LRP8: variants seen among roughly 807,000 people sequenced by gnomAD.
LRP8 encodes low-density lipoprotein receptor-related protein 8.
In LRP8, 46 loss-of-function variants were observed where a neutral mutation model predicts 111.6. The observed-to-expected ratio is 0.41, with a 90% CI of 0.33 to 0.53. LRP8 has a LOEUF of 0.53. Ranked by LOEUF, LRP8 falls within the 20% of genes least tolerant of loss-of-function variation. The pLI, the probability that LRP8 is intolerant of heterozygous loss-of-function variation, is 0.20. For synonymous variants in LRP8, 464 were observed against 511.2 expected (o/e 0.91, Z 1.24); for missense variants, 959 against 1,297.4 (o/e 0.74, Z 4.01).
In LRP8 at chr1:53,302,253, CT is replaced by C. The variant is rs535637143; in HGVS notation, c.245-12565del. 2.0e-3 allele frequency among the ~76,000 whole-genome samples: 305 copies of C among 152,312 alleles called. 2 individuals are homozygous for C. The highest frequency in any genetic ancestry group is 6.7e-3 in the African/African-American group (280 of 41,568). ...AGATGGAGAAGGCTGCTTCTGGCTTCTCAGTGCGTTTGGAAGGAAATGGGGT... is the reference window on the plus strand; with the variant it reads ...AGATGGAGAAGGCTGCTTCTGGCTTCCAGTGCGTTTGGAAGGAAATGGGGT... On this transcript the variant is annotated intron_variant, in intron 2 of 18. Transcript: ENST00000306052.
chr1:53,296,461 C>G (rs1649737951), intron 2 of LRP8, among the ~76,000 whole-genome samples: 1 of 152,228 alleles, frequency 6.6e-6, no homozygotes, highest in African/African-American at 2.4e-5. Flanking sequence ...GCAGTTGGGC[C>G]ACTTGTACCC....
At position 53,249,602 on chromosome 1, in the gene LRP8, G is replaced by A; in HGVS notation, c.2677-46C>T. On this transcript the variant is annotated intron_variant, in intron 17 of 18. Transcript: ENST00000306052. This position sits in a 1 kb window ranked among gnomAD's most constrained non-coding sequence, Gnocchi z 4.1. ...TGGATGACCTCTGAGGTCACACTCA[G>A]CCCCCTGACTGTGCTGTATAACAGT... 2.0e-6 allele frequency: 3 copies of A among 1,527,498 alleles called. No individual in the cohort carries two copies. The highest frequency in any genetic ancestry group is 2.6e-6 in the Non-Finnish European group (3 of 1,136,986). The allele number at this position is 1,527,498 out of a possible 1,614,324, so 94.6% of individuals were successfully genotyped here.
chr1:53,317,371 G>A lies in LRP8; in HGVS notation c.244+9502C>T, dbSNP rs138844639. ...CGTGGCTAACTACCGTGGCAGGCCCGGCTGGCTAACCAGCCCCACTGGGCC... is the reference window on the plus strand; with the variant it reads ...CGTGGCTAACTACCGTGGCAGGCCCAGCTGGCTAACCAGCCCCACTGGGCC... On this transcript the variant is annotated intron_variant, in intron 2 of 18. Coordinates refer to ENST00000306052, the MANE Select transcript of LRP8 (RefSeq NM_004631.5). This position sits in a 1 kb window ranked among gnomAD's most constrained non-coding sequence, Gnocchi z 4.9. 1.6e-3 allele frequency among the ~76,000 whole-genome samples: 248 copies of A among 152,320 alleles called. 2 individuals are homozygous for A. The highest frequency in any genetic ancestry group is 5.4e-3 in the African/African-American group (224 of 41,582).
chr1:53,266,010 C>T lies in LRP8; in HGVS notation c.1427+463G>A, dbSNP rs181112275. Among the ~76,000 whole-genome samples, 1 of 152,286 alleles carries T rather than the reference C, an allele frequency of 6.6e-6. No homozygotes were observed. The highest frequency in any genetic ancestry group is 1.5e-5 in the Non-Finnish European group (1 of 68,022). Reference sequence around the variant, plus strand: ...CAGGAAGGCATGCCAGATCAGATGCCCAGGTGGGTTCGGAGGCCTCCTCTG... The same window carrying T: ...CAGGAAGGCATGCCAGATCAGATGCTCAGGTGGGTTCGGAGGCCTCCTCTG... On this transcript the variant is annotated intron_variant, in intron 9 of 18. Transcript: ENST00000306052. This position sits in a 1 kb window ranked among gnomAD's most constrained non-coding sequence, Gnocchi z 5.0.
intron 2 of LRP8, among the ~76,000 whole-genome samples, chr1:53,310,550 T>C (rs1451053649): frequency 1.3e-5 from 2 of 152,100 alleles, no homozygotes; most frequent in African/African-American, 4.8e-5. Flanking sequence ...GTTAGTGCAG[T>C]GGAGACCCAG....
intron 2 of LRP8, chr1:53,306,092 T>TCA (rs1203925735): frequency 6.6e-6 from 1 of 152,274 alleles, no homozygotes; most frequent in African/African-American, 2.4e-5. Flanking sequence ...CACAGCCTCA[T>TCA]CATCCTGTGT....
At chr1:53,316,922 G>A (rs754784477) in intron 2 of LRP8, among the ~76,000 whole-genome samples, 38 of 152,276 alleles carry the variant, frequency 2.5e-4, no homozygotes, top group South Asian at 2.1e-4. Flanking sequence ...CCACCACGAC[G>A]GCCTGGTGGG....
At chr1:53,251,089 G>A (rs751737498) in intron 16 of LRP8, among the ~76,000 whole-genome samples, 1 of 152,120 alleles carries the variant, frequency 6.6e-6, no homozygotes, top group Non-Finnish European at 1.5e-5. Context: ...CCCCAACTGT[G>A]GGCAGAGTCA....
In LRP8 at chr1:53,294,350, G is replaced by C. The variant is rs1649304825; in HGVS notation, c.245-4661C>G. Among the ~76,000 whole-genome samples the C allele has an allele frequency of 6.6e-6, 1 of 152,142 alleles. No individual in the cohort carries two copies. Among genetic ancestry groups the C allele is most frequent in the African/African-American group, 2.4e-5 (1 of 41,420 alleles). On this transcript the variant is annotated intron_variant, in intron 2 of 18. Coordinates refer to ENST00000306052, the MANE Select transcript of LRP8 (RefSeq NM_004631.5). This position sits in a 1 kb window ranked among gnomAD's most constrained non-coding sequence, Gnocchi z 4.1. ...CCCCAGGGTAGAGTAGGGGAGAGTGGGAAATCCAGGACAAAGGAAGTGGGA... is the reference window on the plus strand; with the variant it reads ...CCCCAGGGTAGAGTAGGGGAGAGTGCGAAATCCAGGACAAAGGAAGTGGGA...
intron 18 of LRP8, among the ~76,000 whole-genome samples, chr1:53,248,308 A>G (rs1645789924): frequency 6.6e-6 from 1 of 152,032 alleles, no homozygotes. Context: ...ATTTAAGACT[A>G]TCTTATTCTA....
At position 53,271,332 on chromosome 1, in the gene LRP8, G is replaced by A; in HGVS notation, c.1021C>T (p.Leu341=). The change falls in exon 7 of 19, where the codon CTG becomes TTG. Residue 341 remains leucine, a synonymous_variant. Coordinates refer to ENST00000306052, the MANE Select transcript of LRP8 (RefSeq NM_004631.5). ...AGCLQGLNEC[L]HNNGGCSHIC... is the part of the protein sequence containing the mutation. ...TGTGAGCAGCCGCCATTGTTGTGCA[G>A]ACACTCGTTCAGCCCTGGGGAGGGA... is the stretch of plus-strand genomic sequence containing the variant. The A allele has an allele frequency of 6.2e-7, 1 of 1,614,060 alleles. No individual in the cohort carries two copies. Among genetic ancestry groups the A allele is most frequent in the African/African-American group, 1.3e-5 (1 of 75,002 alleles).
At chr1:53,326,378 C>T (rs1655126646) in intron 2 of LRP8, among the ~76,000 whole-genome samples, 1 of 152,208 alleles carries the variant, frequency 6.6e-6, no homozygotes, top group Non-Finnish European at 1.5e-5. Context: ...CCACGGGGGC[C>T]TATGGGGTGG....
Position 53,255,160 on chromosome 1 carries a change from G to A in LRP8, c.2460C>T (p.Gly820=). ...QHYANEDSKM[G]STVTAAVIGI... Reference sequence around the variant, plus strand: ...CGATAACAGCGGCAGTGACTGTTGAGCCCATCTTACTGTCTTCATTTGCAT... The same window carrying A: ...CGATAACAGCGGCAGTGACTGTTGAACCCATCTTACTGTCTTCATTTGCAT... Residue 820 remains glycine, a synonymous_variant, in exon 16 of 19, where the codon GGC becomes GGT. Coordinates refer to ENST00000306052, the MANE Select transcript of LRP8 (RefSeq NM_004631.5). 5.0e-6 allele frequency: 8 copies of A among 1,613,754 alleles called. No homozygotes were observed. The highest frequency in any genetic ancestry group is 6.8e-6 in the Non-Finnish European group (8 of 1,179,978).
In LRP8 at chr1:53,276,835, C is replaced by A. The variant is rs1327835100; in HGVS notation, c.740G>T (p.Arg247Leu). The A allele has an allele frequency of 7.8e-7, 1 of 1,279,918 alleles. No homozygotes were observed. Among genetic ancestry groups the A allele is most frequent in the East Asian group, 4.0e-5 (1 of 24,998 alleles). 79.3% of individuals were successfully genotyped at this position (1,279,918 alleles called of 1,614,324 possible). The change falls in exon 5 of 19, where the codon CGT becomes CTT. Residue 247 changes from arginine to leucine, a missense_variant. Physicochemically the swap from Arg to Leu is moderately radical, Grantham distance 102 (BLOSUM62 -2). Transcript: ENST00000306052. ...CGCGGACGTGGCCCCGGGGCCCGGA[C>A]GGCCGCAGAGCTCGGCTGCCTCGTC... ...RSDEAAELCG[R>L]PGPGATSAPA...
At chr1:53,298,041 G>T (rs1222086943) in intron 2 of LRP8, among the ~76,000 whole-genome samples, 1 of 152,180 alleles carries the variant, frequency 6.6e-6, no homozygotes, top group Admixed American at 6.5e-5. Flanking sequence ...TGACCTTCTG[G>T]ATTAGTGACC....
rs1381066110 is a variant in LRP8 at position 53,242,854 on chromosome 1, T to C, written c.*4164A>G. On this transcript the variant is annotated 3_prime_UTR_variant, in exon 19 of 19. Transcript: ENST00000306052. ...GGCTTTAAATATATATATATATATA[T>C]ATATACACACACACACACGTGGCTT... 7.6e-6 allele frequency: 1 copy of C among 130,966 alleles called. No homozygotes were observed. The highest frequency in any genetic ancestry group is 1.7e-5 in the Non-Finnish European group (1 of 57,512). The allele number at this position is 130,966 out of a possible 1,614,324, so 8.1% of individuals were successfully genotyped here. A position where few individuals can be genotyped will look rare whatever the true frequency, so the allele number is the denominator to read the frequency against.
intron 5 of LRP8, among the ~76,000 whole-genome samples, chr1:53,276,387 T>A (rs1351236747): frequency 8.5e-6 from 1 of 117,576 alleles, no homozygotes; most frequent in East Asian, 2.4e-4. Context: ...GGGGAGCTCC[T>A]GAGCCTGCCA....
chr1:53,250,201 C>T lies in LRP8; in HGVS notation c.2676+489G>A, dbSNP rs546947626. ...TTATTGACTTTTGAATACTTGATAT[C>T]TAATGTGGTGCTTGGCACATAACTG... On this transcript the variant is annotated intron_variant, in intron 17 of 18. Transcript: ENST00000306052. The surrounding 1 kb of genome is among the most constrained non-coding windows in gnomAD (Gnocchi z 4.6). 6.6e-6 allele frequency among the ~76,000 whole-genome samples: 1 copy of T among 152,358 alleles called. No homozygotes were observed. Among genetic ancestry groups the T allele is most frequent in the Admixed American group, 6.5e-5 (1 of 15,306 alleles).
chr1:53,275,560 G>T lies in LRP8; in HGVS notation c.1006+71C>A. 1 of 1,574,936 alleles carries T rather than the reference G, an allele frequency of 6.3e-7. No homozygotes were observed. Among genetic ancestry groups the T allele is most frequent in the Non-Finnish European group, 8.7e-7 (1 of 1,152,924 alleles). ...CCAAGGGGAAACTCCTCCCAACTCT[G>T]CCCTCTGGAGAGTTACCAGAGCCTA... On this transcript the variant is annotated intron_variant, in intron 6 of 18. Transcript: ENST00000306052. This position sits in a 1 kb window ranked among gnomAD's most constrained non-coding sequence, Gnocchi z 4.4.
Sources: allele counts gnomAD v4.1 joint callset (sites outside exome capture counted in the v4.1 genomes callset), GRCh38; gene constraint gnomAD v4.1.1; non-coding constraint Gnocchi (gnomAD v3.1); transcripts MANE v1.5; gene names NCBI Gene and HGNC (gene_info 2026-07-23, HGNC 2026-07-21).